The following ALMS1 variants were observed in gnomAD, a reference collection of about 807,000 sequenced individuals.
ALMS1 encodes ALMS1 centrosome and basal body associated protein.
Under a neutral mutation model 352.2 loss-of-function variants are expected in ALMS1, and 271 were observed. That is an observed-to-expected ratio of 0.77 (90% CI 0.70 to 0.85). The LOEUF (loss-of-function observed/expected upper bound fraction) is 0.85. ALMS1 is among the 40% of genes least tolerant of loss of function. The probability of loss-of-function intolerance (pLI) is 0.00; values close to 1 mark genes in which losing one functional copy is unlikely to be tolerated. For synonymous variants in ALMS1, 1,865 were observed against 1,761.2 expected (o/e 1.06, Z -1.48); for missense variants, 5,445 against 4,870.7 (o/e 1.12, Z -3.51).
At chr2:73,534,513 G>T (rs535250192) in intron 11 of ALMS1, among the ~76,000 whole-genome samples, 9 of 152,170 alleles carry the variant, frequency 5.9e-5, no homozygotes, top group African/African-American at 1.7e-4. Flanking sequence ...TACTTAAACT[G>T]TTTCCCCTGC....
chr2:73,465,172 A>T (rs1444091503), intron 9 of ALMS1, among the ~76,000 whole-genome samples: 1 of 152,168 alleles, frequency 6.6e-6, no homozygotes, highest in African/African-American at 2.4e-5. Flanking sequence ...AAGAGCCTGC[A>T]TCGCCAAGTC....
chr2:73,500,305 A>T (rs764817149), intron 10 of ALMS1, among the ~76,000 whole-genome samples: 7 of 152,202 alleles, frequency 4.6e-5, no homozygotes, highest in Non-Finnish European at 8.8e-5. Context: ...AAGATTTTGC[A>T]GTGCTGTTCA....
In ALMS1 at chr2:73,450,598, T is replaced by G. The variant is rs1572934855; in HGVS notation, c.4071T>G (p.Ala1357=). ...VLPHSHPTEE[A]LKISVASEPV... ...CACATAGTCATCCAACTGAAGAGGC[T>G]CTGAAAATTTCAGTTGCCTCTGAAC... The change falls in exon 8 of 23, where the codon GCT becomes GCG. Residue 1357 remains alanine (A), a synonymous_variant. Transcript: ENST00000613296. The G allele has an allele frequency of 6.2e-7, 1 of 1,612,042 alleles. No individual in the cohort carries two copies.
intron 16 of ALMS1, among the ~76,000 whole-genome samples, chr2:73,579,199 ACAGGTG>A (rs1194704183): frequency 6.6e-6 from 1 of 151,104 alleles, no homozygotes; most frequent in Non-Finnish European, 1.5e-5. Context: ...AGCTGAGATT[ACAGGTG>A]CCTGCCACCA....
chr2:73,472,624 T>G (rs1672491338), intron 9 of ALMS1, among the ~76,000 whole-genome samples: 1 of 151,988 alleles, frequency 6.6e-6, no homozygotes, highest in Admixed American at 6.6e-5. Flanking sequence ...CCAGGAAAAG[T>G]AGGGAGCTGT....
intron 9 of ALMS1, chr2:73,457,240 TC>T (rs1672086883): frequency 6.6e-6 from 1 of 152,156 alleles, no homozygotes; most frequent in African/African-American, 2.4e-5. Flanking sequence ...TTAAAAATCT[TC>T]TTATTTTTGA....
At chr2:73,556,855 A>AC (rs1393244810) in intron 13 of ALMS1, among the ~76,000 whole-genome samples, 3 of 151,970 alleles carry the variant, frequency 2.0e-5, no homozygotes, top group Admixed American at 1.3e-4. Flanking sequence ...GGCGTGCACC[A>AC]CGACGCCTGC....
Position 73,491,066 on chromosome 2 carries a change from C to G in ALMS1, c.9107C>G (p.Thr3036Ser). The G allele has an allele frequency of 6.2e-7, 1 of 1,614,074 alleles. No individual in the cohort carries two copies. The highest frequency in any genetic ancestry group is 8.5e-7 in the Non-Finnish European group (1 of 1,179,888). Residue 3036 changes from threonine (T) to serine (S), a missense_variant, in exon 10 of 23, where the codon ACT (threonine) becomes AGT (serine). Transcript: ENST00000613296. ...NHCTLAASASTPPSNRKALSC... is the reference protein window; with the variant it reads ...NHCTLAASASSPPSNRKALSC... ...TGTACATTAGCAGCATCTGCATCTA[C>G]TCCTCCTTCAAATAGAAAAGCACTT...
At chr2:73,388,303 C>T (rs930532805) in intron 1 of ALMS1, among the ~76,000 whole-genome samples, 1 of 152,082 alleles carries the variant, frequency 6.6e-6, no homozygotes, top group African/African-American at 2.4e-5. Flanking sequence ...TTTGGGGGTA[C>T]ATATGCACGT....
In ALMS1 at chr2:73,455,180, A is replaced by G. The variant is rs377085127; in HGVS notation, c.7559A>G (p.Asn2520Ser). 1.7e-5 allele frequency: 28 copies of G among 1,613,208 alleles called. No homozygotes were observed. Among genetic ancestry groups the G allele is most frequent in the South Asian group, 2.2e-5 (2 of 90,598 alleles). Residue 2520 changes from asparagine to serine, a missense_variant, in exon 9 of 23, where the codon AAT becomes AGT. Transcript: ENST00000613296. The part of the protein sequence containing the change: ...VRAHAWNMKF[N>S]LAHDCGYSIS... ...TCTCCAGCCTGGAATATGAAGTTCAATTTAGCACATGATTGTGGATACTCC... is the reference window on the plus strand; with the variant it reads ...TCTCCAGCCTGGAATATGAAGTTCAGTTTAGCACATGATTGTGGATACTCC...
rs370002630 is a variant in ALMS1 at position 73,482,156 on chromosome 2, G to T, written c.7675-7478G>T. On this transcript the variant is annotated intron_variant, in intron 9 of 22. Coordinates refer to ENST00000613296, the MANE Select transcript of ALMS1 (RefSeq NM_001378454.1). The stretch of plus-strand genomic sequence containing the variant: ...AGAGAGGGCATCCCTGTCTTGTGCC[G>T]GTTTTCAAAGGGAATGCTTCCAGTT... Among the ~76,000 whole-genome samples the T allele has an allele frequency of 2.8e-4, 43 of 152,158 alleles. No individual in the cohort carries two copies. The East Asian group carries it at 2.9e-3, about 10-fold the overall frequency.
At chr2:73,479,090 T>C (rs1329919407) in intron 9 of ALMS1, among the ~76,000 whole-genome samples, 2 of 152,192 alleles carry the variant, frequency 1.3e-5, no homozygotes, top group Non-Finnish European at 1.5e-5. Flanking sequence ...AGTCTATCAT[T>C]GATGGGCAAA....
intron 16 of ALMS1, among the ~76,000 whole-genome samples, chr2:73,590,971 C>T (rs995354473): frequency 2.0e-5 from 3 of 151,866 alleles, no homozygotes; most frequent in Admixed American, 6.6e-5. Context: ...CCACCGCGCC[C>T]GGCCCCTTTT....
chr2:73,426,116 T>A (rs1463206577), intron 5 of ALMS1, among the ~76,000 whole-genome samples: 2 of 152,236 alleles, frequency 1.3e-5, no homozygotes, highest in Non-Finnish European at 2.9e-5. Context: ...GTGAAAGTAT[T>A]AACTTCAGAA....
chr2:73,498,074 A>T (rs1290269680), intron 10 of ALMS1, among the ~76,000 whole-genome samples: 3 of 152,174 alleles, frequency 2.0e-5, no homozygotes, highest in Non-Finnish European at 1.5e-5. Context: ...TATTAAGTGT[A>T]TAATAGTGTC....
intron 15 of ALMS1, 62 bp downstream of exon 15, chr2:73,559,204 A>G (rs887727885): frequency 1.9e-6 from 3 of 1,565,032 alleles, no homozygotes; most frequent in African/African-American, 2.7e-5. Flanking sequence ...GGTCAGTGTT[A>G]GTGTTTCCAT....
chr2:73,478,528 A>AT (rs990318338), intron 9 of ALMS1, among the ~76,000 whole-genome samples: 2 of 152,146 alleles, frequency 1.3e-5, no homozygotes, highest in African/African-American at 4.8e-5. Context: ...TCCCACTGAT[A>AT]TGTCAGGAGG....
chr2:73,502,108 C>G (rs984281986), intron 10 of ALMS1, among the ~76,000 whole-genome samples: 1 of 151,966 alleles, frequency 6.6e-6, no homozygotes, highest in Admixed American at 6.6e-5. Flanking sequence ...TAGGTCCCAA[C>G]AAGTTAATTT....
intron 15 of ALMS1, among the ~76,000 whole-genome samples, chr2:73,559,887 G>A (rs1313867172): frequency 6.6e-6 from 1 of 152,108 alleles, no homozygotes; most frequent in Non-Finnish European, 1.5e-5. Flanking sequence ...AACTCAAAAA[G>A]GGTTAGTGAC....
Sources: gnomAD v4.1 joint callset for allele counts (sites outside exome capture counted in the v4.1 genomes callset) on GRCh38, gnomAD v4.1.1 for gene constraint, MANE v1.5 for transcripts, NCBI Gene and HGNC (gene_info 2026-07-23, HGNC 2026-07-21) for gene names.